ARB2A: variants seen among roughly 807,000 people sequenced by gnomAD.
ARB2A encodes ARB2 cotranscriptional regulator A.
the ARB2A span, among the ~76,000 whole-genome samples, chr5:93,871,314 C>T: frequency 6.6e-6 from 1 of 152,012 alleles, no homozygotes; most frequent in African/African-American, 2.4e-5. Context: ...TCCAAATGAC[C>T]AATGTATGAT....
At chr5:93,674,582 C>T in the ARB2A span, among the ~76,000 whole-genome samples, 11 of 152,268 alleles carry the variant, frequency 7.2e-5, no homozygotes, top group African/African-American at 2.6e-4. Context: ...AACTTTATCC[C>T]TCAAGCCAAA....
the ARB2A span, among the ~76,000 whole-genome samples, chr5:93,851,298 C>G: frequency 6.6e-6 from 1 of 152,042 alleles, no homozygotes; most frequent in Admixed American, 6.6e-5. Context: ...ATTTGCATTC[C>G]TATGTATTTT....
chr5:93,947,508 C>CTT, the ARB2A span, among the ~76,000 whole-genome samples: 5 of 149,476 alleles, frequency 3.3e-5, no homozygotes, highest in South Asian at 2.1e-4. Flanking sequence ...ACTGTATCTT[C>CTT]TTTTTATTAT....
chr5:94,044,864 C>A, the ARB2A span, among the ~76,000 whole-genome samples: 3 of 151,972 alleles, frequency 2.0e-5, no homozygotes, highest in African/African-American at 7.2e-5. Context: ...GCCATGGCAA[C>A]ATCAGGAAGT....
chr5:93,855,197 C>G, the ARB2A span, among the ~76,000 whole-genome samples: 1 of 152,168 alleles, frequency 6.6e-6, no homozygotes, highest in Non-Finnish European at 1.5e-5. Flanking sequence ...GAATTGATCC[C>G]TGTACCATTA....
chr5:93,768,538 A>G, the ARB2A span, among the ~76,000 whole-genome samples: 1 of 151,000 alleles, frequency 6.6e-6, no homozygotes, highest in African/African-American at 2.4e-5. Flanking sequence ...TACACTATAT[A>G]TAGCGTATAC....
the ARB2A span, among the ~76,000 whole-genome samples, chr5:93,889,386 G>C: frequency 6.6e-6 from 1 of 151,788 alleles, no homozygotes; most frequent in African/African-American, 2.4e-5. Flanking sequence ...TCTCCTAACA[G>C]GTGCAAATGA....
chr5:93,859,777 C>A, the ARB2A span, among the ~76,000 whole-genome samples: 2 of 152,230 alleles, frequency 1.3e-5, no homozygotes, highest in South Asian at 4.2e-4. Context: ...ATTATAGTAT[C>A]CAGGCTAGCA....
At chr5:93,817,603 T>C in the ARB2A span, among the ~76,000 whole-genome samples, 1 of 152,148 alleles carries the variant, frequency 6.6e-6, no homozygotes, top group Non-Finnish European at 1.5e-5. Context: ...CAAGTCAGTG[T>C]GGTACTGGTA....
the ARB2A span, among the ~76,000 whole-genome samples, chr5:93,942,834 T>C: frequency 6.6e-6 from 1 of 152,142 alleles, no homozygotes; most frequent in Non-Finnish European, 1.5e-5. Flanking sequence ...TCCATGTATG[T>C]ATGTAGCTGT....
the ARB2A span, among the ~76,000 whole-genome samples, chr5:93,804,027 G>GC: frequency 6.6e-6 from 1 of 151,942 alleles, no homozygotes; most frequent in Non-Finnish European, 1.5e-5. Flanking sequence ...TCTATTACCA[G>GC]CATGAACATA....
At chr5:93,626,490 G>A in the ARB2A span, among the ~76,000 whole-genome samples, 1 of 152,124 alleles carries the variant, frequency 6.6e-6, no homozygotes, top group Non-Finnish European at 1.5e-5. Flanking sequence ...ATGGAATACA[G>A]GCATACCTTG....
At chr5:93,843,341 C>G in the ARB2A span, among the ~76,000 whole-genome samples, 1 of 149,674 alleles carries the variant, frequency 6.7e-6, no homozygotes, top group East Asian at 2.0e-4. Context: ...GTTTTGCAGA[C>G]AGAGAAAAAT....
the ARB2A span, chr5:93,958,635 A>C: frequency 1.8e-6 from 1 of 562,190 alleles, no homozygotes. Flanking sequence ...AATGCAGAAT[A>C]ATCTTTCATA....
the ARB2A span, among the ~76,000 whole-genome samples, chr5:93,696,115 C>T: frequency 1.4e-4 from 22 of 152,018 alleles, no homozygotes; most frequent in Non-Finnish European, 2.6e-4. Flanking sequence ...AGCAAACCAC[C>T]GTGGCACGTG....
chr5:94,050,971 A>G, the ARB2A span: 1 of 611,976 alleles, frequency 1.6e-6, no homozygotes, highest in African/African-American at 1.9e-5. Flanking sequence ...TTTTTTCTTC[A>G]GATGTCACTA....
chr5:93,852,068 C>T, the ARB2A span, among the ~76,000 whole-genome samples: 1 of 149,228 alleles, frequency 6.7e-6, no homozygotes, highest in African/African-American at 2.5e-5. Flanking sequence ...ACAGTCCCAA[C>T]AACAGTGTAA....
chr5:93,910,821 AT>A, the ARB2A span: 1 of 151,498 alleles, frequency 6.6e-6, no homozygotes, highest in African/African-American at 2.4e-5. Flanking sequence ...TCAAGAAGAC[AT>A]TTATATTGCA....
chr5:93,644,705 T>C, the ARB2A span, among the ~76,000 whole-genome samples: 1 of 152,188 alleles, frequency 6.6e-6, no homozygotes, highest in Non-Finnish European at 1.5e-5. Context: ...AGAAAACCTG[T>C]TGTATGATCC....
Sources: gnomAD v4.1 joint callset for allele counts (sites outside exome capture counted in the v4.1 genomes callset) on GRCh38, gnomAD v4.1.1 for gene constraint, MANE v1.5 for transcripts, NCBI Gene and HGNC (gene_info 2026-07-23, HGNC 2026-07-21) for gene names.